Variants in FBXL17 observed in about 807,000 individuals in gnomAD.
FBXL17 encodes the protein F-box and leucine rich repeat protein 17.
Under a neutral mutation model 66.2 loss-of-function variants are expected in FBXL17, and 22 were observed. That is an observed-to-expected ratio of 0.33 (90% CI 0.24 to 0.47). The LOEUF is 0.47. FBXL17 is among the 20% of genes least tolerant of loss of function. FBXL17 has a pLI of 1.00. For missense variants in FBXL17, 878 were observed against 948.2 expected (o/e 0.93, Z 0.97); for synonymous variants, 474 against 400.5 (o/e 1.18, Z -2.19).
At chr5:108,043,724 G>GTAA (rs2112808290) in intron 6 of FBXL17, among the ~76,000 whole-genome samples, 1 of 152,190 alleles carries the variant, frequency 6.6e-6, no homozygotes, top group Non-Finnish European at 1.5e-5. Flanking sequence ...GTAAGTCTTA[G>GTAA]AATAGTCTTA....
intron 7 of FBXL17, among the ~76,000 whole-genome samples, chr5:108,018,008 T>C (rs979401437): frequency 2.0e-5 from 3 of 151,982 alleles, no homozygotes; most frequent in African/African-American, 7.3e-5. Context: ...ACAAATGATA[T>C]GCCAGGTGAG....
intron 6 of FBXL17, among the ~76,000 whole-genome samples, chr5:108,079,654 G>T (rs1020223083): frequency 2.0e-5 from 3 of 152,138 alleles, no homozygotes; most frequent in African/African-American, 7.2e-5. Flanking sequence ...GTAATTATAG[G>T]CTCACTGGGA....
At chr5:108,039,683 C>T (rs548753879) in intron 6 of FBXL17, among the ~76,000 whole-genome samples, 1 of 152,192 alleles carries the variant, frequency 6.6e-6, no homozygotes, top group Non-Finnish European at 1.5e-5. Flanking sequence ...AGCTCAAGCA[C>T]AATTCTGAGT....
chr5:108,236,795 T>C (rs1472968777), intron 4 of FBXL17, among the ~76,000 whole-genome samples: 1 of 152,156 alleles, frequency 6.6e-6, no homozygotes, highest in Non-Finnish European at 1.5e-5. Context: ...GGCCAAGTAG[T>C]CAGTGGGCCC....
At chr5:108,193,147 T>A (rs1753538032) in intron 5 of FBXL17, among the ~76,000 whole-genome samples, 1 of 152,180 alleles carries the variant, frequency 6.6e-6, no homozygotes, top group Admixed American at 6.5e-5. Context: ...ATTGTAATGT[T>A]TAGGGAGCAA....
rs74971364 is a variant in FBXL17, at chr5:108,358,917, T to C, written c.1374+5821A>G. ...CTTTTTTTGTTAAGAGATGGGGTCTTGCTATATTGCCCTAGCTGGAGTGCA... is the reference window on the plus strand; with the variant it reads ...CTTTTTTTGTTAAGAGATGGGGTCTCGCTATATTGCCCTAGCTGGAGTGCA... On this transcript the variant is annotated intron_variant, in intron 3 of 8. Coordinates refer to ENST00000542267, the MANE Select transcript of FBXL17 (RefSeq NM_001163315.3). Among the ~76,000 whole-genome samples the C allele has an allele frequency of 3.5e-3, 538 of 152,212 alleles. 3 individuals are homozygous for C. Among genetic ancestry groups the C allele is most frequent in the African/African-American group, 0.012 (497 of 41,542 alleles).
At chr5:108,303,678 C>T (rs920656564) in intron 4 of FBXL17, among the ~76,000 whole-genome samples, 25 of 151,778 alleles carry the variant, frequency 1.6e-4, no homozygotes, top group Non-Finnish European at 1.0e-4. Flanking sequence ...GGTATTCTTA[C>T]CTGTGGTCTG....
intron 4 of FBXL17, among the ~76,000 whole-genome samples, chr5:108,232,981 GA>G (rs1755434637): frequency 6.6e-6 from 1 of 150,906 alleles, no homozygotes; most frequent in African/African-American, 2.4e-5. Flanking sequence ...ATGCTGCTGT[GA>G]TCATTCAAAC....
At chr5:108,243,595 ATTAATCATTTGG>A (rs1178388833) in intron 4 of FBXL17, among the ~76,000 whole-genome samples, 1 of 152,190 alleles carries the variant, frequency 6.6e-6, no homozygotes, top group Non-Finnish European at 1.5e-5. Context: ...TCAAAAAACA[ATTAATCATTTGG>A]TTAAGTGTTT....
chr5:108,033,730 C>T (rs192617), intron 6 of FBXL17, among the ~76,000 whole-genome samples: 117,934 of 152,124 alleles, frequency 0.78, 46,104 homozygotes, highest in East Asian at 0.93. Context: ...TACCAACACA[C>T]AGAATTTTAG....
intron 6 of FBXL17, among the ~76,000 whole-genome samples, chr5:108,087,034 A>G (rs12659666): frequency 0.12 from 18,217 of 151,768 alleles, 1,360 homozygotes; most frequent in East Asian, 0.17. Flanking sequence ...TGAATAGGAC[A>G]TACGCTTTCC....
At chr5:108,113,691 C>T (rs1425767253) in intron 6 of FBXL17, among the ~76,000 whole-genome samples, 1 of 152,066 alleles carries the variant, frequency 6.6e-6, no homozygotes, top group Non-Finnish European at 1.5e-5. Flanking sequence ...TTAAAAATGT[C>T]CAATTTTAGG....
intron 7 of FBXL17, among the ~76,000 whole-genome samples, chr5:107,882,496 T>C (rs1477090962): frequency 6.6e-6 from 1 of 152,168 alleles, no homozygotes; most frequent in Non-Finnish European, 1.5e-5. Flanking sequence ...AGACAATTTT[T>C]TTAAAAAAAG....
intron 4 of FBXL17, among the ~76,000 whole-genome samples, chr5:108,327,257 A>G (rs1759901603): frequency 6.6e-6 from 1 of 152,234 alleles, no homozygotes; most frequent in Non-Finnish European, 1.5e-5. Context: ...GAGAAAGCTA[A>G]GCCAAAAGTC....
At chr5:108,346,423 T>G (rs1407391438) in intron 4 of FBXL17, among the ~76,000 whole-genome samples, 1 of 152,074 alleles carries the variant, frequency 6.6e-6, no homozygotes, top group Non-Finnish European at 1.5e-5. Flanking sequence ...AATGTGAACA[T>G]AACAAAAACC....
intron 4 of FBXL17, among the ~76,000 whole-genome samples, chr5:108,292,484 A>AT (rs1474071238): frequency 6.6e-6 from 1 of 152,004 alleles, no homozygotes; most frequent in African/African-American, 2.4e-5. Context: ...GTTCTTCCTG[A>AT]TCTTTCTCTC....
intron 4 of FBXL17, among the ~76,000 whole-genome samples, chr5:108,282,243 T>C (rs1305885052): frequency 2.0e-5 from 3 of 151,774 alleles, no homozygotes; most frequent in African/African-American, 7.2e-5. Flanking sequence ...ACTAATATCT[T>C]TGTTTAACAC....
Position 108,267,545 on chromosome 5 carries a change from A to C in FBXL17, c.1507-43317T>G, listed in dbSNP as rs1176731441. Reference sequence around the variant, plus strand: ...GTAAAGTTATCATCATTAAGTATTAATTTCCCATTTCTATAAAAACAAAGC... The same window carrying C: ...GTAAAGTTATCATCATTAAGTATTACTTTCCCATTTCTATAAAAACAAAGC... On this transcript the variant is annotated intron_variant, in intron 4 of 8. Transcript: ENST00000542267. 2.6e-5 allele frequency among the ~76,000 whole-genome samples: 4 copies of C among 152,060 alleles called. No homozygotes were observed. In the South Asian group the frequency reaches 6.2e-4, roughly 24 times the overall value.
At chr5:108,337,747 G>A (rs1760457132) in intron 4 of FBXL17, among the ~76,000 whole-genome samples, 1 of 150,588 alleles carries the variant, frequency 6.6e-6, no homozygotes, top group African/African-American at 2.4e-5. Context: ...ACTAGTAACT[G>A]AAGAAATCTT....
Sources: allele counts gnomAD v4.1 joint callset (sites outside exome capture counted in the v4.1 genomes callset), GRCh38; gene constraint gnomAD v4.1.1; transcripts MANE v1.5; gene names NCBI Gene and HGNC (gene_info 2026-07-23, HGNC 2026-07-21).